Variants in SLC15A1 observed in about 807,000 individuals in gnomAD.
SLC15A1 encodes the protein solute carrier family 15 member 1, also known as Caco-2 oligopeptide transporter.
SLC15A1 carries 83 observed loss-of-function variants against 92.9 expected under a neutral mutation model. The ratio of observed to expected loss-of-function variants is 0.89; its 90% CI spans 0.75 to 1.07. The LOEUF is 1.07. SLC15A1 is among the 50% of genes least tolerant of loss of function. The pLI is 0.00. For missense variants in SLC15A1, 857 were observed against 880.1 expected (o/e 0.97, Z 0.33); for synonymous variants, 322 against 318.2 (o/e 1.01, Z -0.13).
At chr13:98,720,696 C>T (rs2088249880) in intron 7 of SLC15A1, 1 of 207,498 alleles carries the variant, frequency 4.8e-6, no homozygotes, top group African/African-American at 2.3e-5. Flanking sequence ...GACACTGTCC[C>T]ATTCTCTTTA....
chr13:98,689,650 G>A (rs2087959489), intron 18 of SLC15A1, among the ~76,000 whole-genome samples: 1 of 151,772 alleles, frequency 6.6e-6, no homozygotes, highest in South Asian at 2.1e-4. Context: ...GGGTCTGGCT[G>A]TGTTGCCCAG....
chr13:98,749,743 A>C (rs2088526882), intron 1 of SLC15A1, among the ~76,000 whole-genome samples: 1 of 152,236 alleles, frequency 6.6e-6, no homozygotes, highest in African/African-American at 2.4e-5. Flanking sequence ...CATGGGCTAC[A>C]TCTGGCCCAC....
In SLC15A1 at chr13:98,684,728, ATCTGTT is replaced by A. The variant is rs2087916901; in HGVS notation, c.2117_2122del (p.Lys706_Gln707del). On this transcript the variant is annotated inframe_deletion, in exon 23 of 23. Coordinates refer to ENST00000376503, the MANE Select transcript of SLC15A1 (RefSeq NM_005073.4). ...CCTCCACTTGCCTCCTGACCTTCAC[ATCTGTT>A]TCTGTGAATTGGCCCCTGACATGAA... is the stretch of plus-strand genomic sequence containing the variant. 2 of 1,613,826 alleles carry A rather than the reference ATCTGTT, an allele frequency of 1.2e-6. No individual in the cohort carries two copies.
chr13:98,691,686 G>A (rs1337245725), intron 18 of SLC15A1, among the ~76,000 whole-genome samples: 1 of 152,142 alleles, frequency 6.6e-6, no homozygotes, highest in Non-Finnish European at 1.5e-5. Flanking sequence ...GAATCATGAC[G>A]TTTTACTGAC....
In SLC15A1 at chr13:98,721,894, G is replaced by A. The variant is rs757587023; in HGVS notation, c.375C>T (p.Ser125=). ...PDSLPVHVVL[S]LIGLALIALG... is the part of the protein sequence containing the mutation. ...GAGCTATCAGGGCCAGGCCGATCAA[G>A]GACAGCACCCTGGGAAAGACAGGGT... Residue 125 remains serine (S), a synonymous_variant, in exon 6 of 23, where the codon TCC becomes TCT. Coordinates refer to ENST00000376503, the MANE Select transcript of SLC15A1 (RefSeq NM_005073.4). 3 of 1,612,970 alleles carry A rather than the reference G, an allele frequency of 1.9e-6. No homozygotes were observed. Among genetic ancestry groups the A allele is most frequent in the Non-Finnish European group, 1.7e-6 (2 of 1,179,424 alleles).
chr13:98,710,088 C>T (rs1207587475), intron 11 of SLC15A1, among the ~76,000 whole-genome samples, 177 bp from the exon 12 acceptor site: 5 of 152,140 alleles, frequency 3.3e-5, no homozygotes, highest in Non-Finnish European at 7.3e-5. Context: ...CAAAAGAAAC[C>T]AGTTGCATTT....
Position 98,686,279 on chromosome 13 carries a change from A to C in SLC15A1, c.1846T>G (p.Ser616Ala). ...SYSQAPSNMK[S>A]VLQAGWLLTV... ...AGCAGCCATCCTGCCTGAAGCACCG[A>C]CTTCATGTTGGAAGGAGCCTGAGGA... The change falls in exon 22 of 23, where the codon TCG (serine) becomes GCG (alanine). Residue 616 changes from serine to alanine, a missense_variant. Transcript: ENST00000376503. 6.2e-7 allele frequency: 1 copy of C among 1,611,690 alleles called. No individual in the cohort carries two copies. Among genetic ancestry groups the C allele is most frequent in the Non-Finnish European group, 8.5e-7 (1 of 1,178,976 alleles).
chr13:98,685,034 A>G, intron 22 of SLC15A1, 119 bp from the exon 23 acceptor site: 3 of 916,660 alleles, frequency 3.3e-6, no homozygotes, highest in South Asian at 1.8e-5. Context: ...TTGAAATTAA[A>G]TTATGGAAAA....
intron 1 of SLC15A1, among the ~76,000 whole-genome samples, chr13:98,744,591 A>G (rs1327706909): frequency 6.6e-6 from 1 of 151,490 alleles, no homozygotes; most frequent in Non-Finnish European, 1.5e-5. Context: ...TCTACACAAG[A>G]TACAAAAATT....
chr13:98,751,796 C>A (rs2088548450), intron 1 of SLC15A1, among the ~76,000 whole-genome samples: 1 of 152,212 alleles, frequency 6.6e-6, no homozygotes, highest in Non-Finnish European at 1.5e-5. Context: ...AGGCTCAGAT[C>A]CCCCTCAACA....
intron 1 of SLC15A1, among the ~76,000 whole-genome samples, chr13:98,743,868 C>T (rs962705931): frequency 6.6e-6 from 1 of 152,102 alleles, no homozygotes; most frequent in African/African-American, 2.4e-5. Context: ...TCAGAGCAGA[C>T]TCTAGAAGGA....
Position 98,721,835 on chromosome 13 carries a change from G to A in SLC15A1, c.434C>T (p.Ala145Val), listed in dbSNP as rs774325695. 24 of 1,613,980 alleles carry A rather than the reference G, an allele frequency of 1.5e-5. No individual in the cohort carries two copies. Among genetic ancestry groups the A allele is most frequent in the South Asian group, 6.6e-5 (6 of 91,068 alleles). The change falls in exon 6 of 23, where the codon GCG becomes GTG. Residue 145 changes from alanine (A) to valine (V), a missense_variant. Coordinates refer to ENST00000376503, the MANE Select transcript of SLC15A1 (RefSeq NM_005073.4). The stretch of plus-strand genomic sequence containing the variant: ...CTCTTCAAACTGATCTCCACCAAAC[G>A]CAGACACACAGGGTTTGATTCCTCC... Reference protein sequence around the residue: ...GTGGIKPCVSAFGGDQFEEGQ... With the variant: ...GTGGIKPCVSVFGGDQFEEGQ...
At position 98,684,676 on chromosome 13, in the gene SLC15A1, G is replaced by T. The variant is rs757646122; in HGVS notation, c.*48C>A. The T allele has an allele frequency of 1.9e-6, 3 of 1,544,392 alleles. No individual in the cohort carries two copies. The highest frequency in any genetic ancestry group is 2.7e-5 in the African/African-American group (2 of 73,760). ...AGTGTCCTGCTACCTGGGGGCAGAGGTCAGGGCATCTGCGGGCCCAGTCCA... is the reference window on the plus strand; with the variant it reads ...AGTGTCCTGCTACCTGGGGGCAGAGTTCAGGGCATCTGCGGGCCCAGTCCA... On this transcript the variant is annotated 3_prime_UTR_variant, in exon 23 of 23. Coordinates refer to ENST00000376503, the MANE Select transcript of SLC15A1 (RefSeq NM_005073.4).
intron 1 of SLC15A1, among the ~76,000 whole-genome samples, chr13:98,729,914 A>AT (rs1169635336): frequency 6.6e-6 from 1 of 151,900 alleles, no homozygotes. Context: ...ATGGTCTTGC[A>AT]TTTTTGCCCA....
intron 5 of SLC15A1, 99 bp downstream of exon 5, chr13:98,723,813 T>C: frequency 6.5e-7 from 1 of 1,545,404 alleles, no homozygotes; most frequent in Non-Finnish European, 8.8e-7. Flanking sequence ...AAAACCTCCT[T>C]ATGCTCTCAG....
At chr13:98,737,931 G>A (rs2088407656) in intron 1 of SLC15A1, among the ~76,000 whole-genome samples, 1 of 152,222 alleles carries the variant, frequency 6.6e-6, no homozygotes, top group Non-Finnish European at 1.5e-5. Context: ...GTGAAGGTCA[G>A]GCTGAAGAGG....
rs149609429 is a variant in SLC15A1 at position 98,713,953 on chromosome 13, T to C, written c.724-1369A>G. Among the ~76,000 whole-genome samples the C allele has an allele frequency of 4.3e-3, 654 of 150,886 alleles. 4 individuals are homozygous for C. The highest frequency in any genetic ancestry group is 0.014 in the African/African-American group (575 of 41,092). ...TCTCTGCTATTTGGGAGGCTGAGGC[T>C]GAGGCAGGAGAATTGCTTGAATCTG... is the stretch of plus-strand genomic sequence containing the variant. On this transcript the variant is annotated intron_variant, in intron 9 of 22. Transcript: ENST00000376503.
intron 18 of SLC15A1, among the ~76,000 whole-genome samples, chr13:98,700,930 T>C (rs1009982573): frequency 6.6e-6 from 1 of 152,256 alleles, no homozygotes; most frequent in African/African-American, 2.4e-5. Flanking sequence ...TTGATTGCTG[T>C]AACTTTATAG....
intron 16 of SLC15A1, 66 bp from the exon 17 acceptor site, chr13:98,704,501 G>A (rs2088096623): frequency 2.1e-6 from 3 of 1,430,632 alleles, no homozygotes; most frequent in African/African-American, 1.5e-5. Context: ...ACTGAACGCT[G>A]GAAGAGCAGT....
Sources: allele counts gnomAD v4.1 joint callset (sites outside exome capture counted in the v4.1 genomes callset), GRCh38; gene constraint gnomAD v4.1.1; transcripts MANE v1.5; gene names NCBI Gene and HGNC (gene_info 2026-07-23, HGNC 2026-07-21).